Variants in DLG2 observed in about 807,000 individuals in gnomAD.
DLG2 encodes discs large MAGUK scaffold protein 2.
A neutral mutation model predicts 132.5 loss-of-function variants in DLG2; 45 were observed. That is an observed-to-expected ratio of 0.34 (90% CI 0.27 to 0.44). The LOEUF (loss-of-function observed/expected upper bound fraction) is 0.44. Ranked by LOEUF, DLG2 falls within the 20% of genes least tolerant of loss-of-function variation. DLG2 has a pLI of 1.00. For missense variants in DLG2, 1,045 were observed against 1,196.9 expected (o/e 0.87, Z 1.87); for synonymous variants, 424 against 419.6 (o/e 1.01, Z -0.13).
At position 85,193,264 on chromosome 11, in the gene DLG2, C is replaced by G. The variant is rs1025879030; in HGVS notation, c.187-38613G>C. 2.0e-5 allele frequency among the ~76,000 whole-genome samples: 3 copies of G among 152,310 alleles called. No homozygotes were observed. In the East Asian group the frequency reaches 5.8e-4, roughly 29 times the overall value. On this transcript the variant is annotated intron_variant, in intron 4 of 27. Coordinates refer to ENST00000376104, the MANE Select transcript of DLG2 (RefSeq NM_001142699.3). Reference sequence around the variant, plus strand: ...TATCAGCAGCACACGCTTTTTATGGCTGATTAATACTCCCTTATACAGATT... The same window carrying G: ...TATCAGCAGCACACGCTTTTTATGGGTGATTAATACTCCCTTATACAGATT...
chr11:83,666,950 A>G (rs2153562464), intron 18 of DLG2, among the ~76,000 whole-genome samples: 1 of 152,170 alleles, frequency 6.6e-6, no homozygotes, highest in South Asian at 2.1e-4. Context: ...TTCCAGCCCC[A>G]TTTGCCTTGA....
chr11:84,707,191 G>GT (rs1471167628), intron 6 of DLG2, among the ~76,000 whole-genome samples: 1 of 151,786 alleles, frequency 6.6e-6, no homozygotes, highest in African/African-American at 2.4e-5. Flanking sequence ...CTGAATACTA[G>GT]TAGAATGCTG....
chr11:85,219,548 CT>C (rs2082870183), intron 4 of DLG2, among the ~76,000 whole-genome samples: 1 of 151,796 alleles, frequency 6.6e-6, no homozygotes, highest in Non-Finnish European at 1.5e-5. Flanking sequence ...AGGATATTTT[CT>C]TGCATTTCCT....
intron 7 of DLG2, among the ~76,000 whole-genome samples, chr11:84,356,222 T>A (rs1451636420): frequency 6.6e-6 from 1 of 152,138 alleles, no homozygotes; most frequent in African/African-American, 2.4e-5. Flanking sequence ...ACCACAAATG[T>A]ACATAATAAA....
intron 19 of DLG2, among the ~76,000 whole-genome samples, chr11:83,575,250 G>C (rs1157576190): frequency 6.6e-6 from 1 of 152,146 alleles, no homozygotes; most frequent in Non-Finnish European, 1.5e-5. Flanking sequence ...CCAGACATCA[G>C]ACAATGAAGG....
At chr11:85,263,681 T>C (rs974831764) in intron 4 of DLG2, among the ~76,000 whole-genome samples, 1 of 152,198 alleles carries the variant, frequency 6.6e-6, no homozygotes, top group Non-Finnish European at 1.5e-5. Context: ...CTTTCCCCTG[T>C]GACCTTCTGA....
intron 7 of DLG2, among the ~76,000 whole-genome samples, chr11:84,268,155 T>C (rs2097667783): frequency 6.6e-6 from 1 of 152,148 alleles, no homozygotes; most frequent in African/African-American, 2.4e-5. Flanking sequence ...CTCACCTCCC[T>C]CATCTTGTAA....
At position 84,099,033 on chromosome 11, in the gene DLG2, C is replaced by A. The variant is rs757762707; in HGVS notation, c.639G>T (p.Leu213=). The change falls in exon 10 of 28, where the codon CTG becomes CTT. Residue 213 remains leucine (L), a synonymous_variant. Coordinates refer to ENST00000376104, the MANE Select transcript of DLG2 (RefSeq NM_001142699.3). The part of the protein sequence containing the change: ...EITLERGNSG[L]GFSIAGGTDN... Reference sequence around the variant, plus strand: ...CTGTCCCCCCAGCAATACTGAATCCCAGGCCAGAATTCCCCTATAGAAACA... The same window carrying A: ...CTGTCCCCCCAGCAATACTGAATCCAAGGCCAGAATTCCCCTATAGAAACA... The A allele has an allele frequency of 9.3e-6, 15 of 1,613,276 alleles. No homozygotes were observed. The highest frequency in any genetic ancestry group is 1.2e-5 in the Non-Finnish European group (14 of 1,179,422).
intron 7 of DLG2, among the ~76,000 whole-genome samples, chr11:84,425,670 T>A (rs747079568): frequency 3.3e-5 from 5 of 152,000 alleles, no homozygotes; most frequent in Non-Finnish European, 5.9e-5. Flanking sequence ...TCCTACAACA[T>A]CCCCTATCCT....
intron 6 of DLG2, among the ~76,000 whole-genome samples, chr11:84,592,637 C>G (rs1465227566): frequency 6.6e-6 from 1 of 151,638 alleles, no homozygotes; most frequent in Non-Finnish European, 1.5e-5. Context: ...AAGAAATAAC[C>G]CCATCAGAAA....
At chr11:84,468,119 G>A (rs1215935766) in intron 7 of DLG2, among the ~76,000 whole-genome samples, 1 of 151,516 alleles carries the variant, frequency 6.6e-6, no homozygotes, top group Non-Finnish European at 1.5e-5. Context: ...ATACCTGATG[G>A]TGAGCAGATT....
At chr11:83,748,600 A>G (rs1334158556) in intron 18 of DLG2, among the ~76,000 whole-genome samples, 1 of 152,230 alleles carries the variant, frequency 6.6e-6, no homozygotes, top group Non-Finnish European at 1.5e-5. Flanking sequence ...CAGCTCAGAA[A>G]GAAACATGAC....
At chr11:84,019,097 A>T (rs2095309459) in intron 11 of DLG2, among the ~76,000 whole-genome samples, 1 of 152,092 alleles carries the variant, frequency 6.6e-6, no homozygotes, top group African/African-American at 2.4e-5. Flanking sequence ...CATAATAATT[A>T]TATAAAATAA....
intron 16 of DLG2, among the ~76,000 whole-genome samples, chr11:83,845,141 T>C (rs2058368850): frequency 6.6e-6 from 1 of 152,220 alleles, no homozygotes; most frequent in South Asian, 2.1e-4. Flanking sequence ...GTGGAAGTCA[T>C]ATGGGAAGTC....
At chr11:83,691,797 G>A (rs962302033) in intron 18 of DLG2, among the ~76,000 whole-genome samples, 1 of 151,988 alleles carries the variant, frequency 6.6e-6, no homozygotes, top group African/African-American at 2.4e-5. Flanking sequence ...CGTGGATACC[G>A]AAAAGTGCAA....
intron 3 of DLG2, among the ~76,000 whole-genome samples, chr11:85,494,159 G>A (rs1402935663): frequency 2.0e-5 from 3 of 152,144 alleles, no homozygotes; most frequent in Non-Finnish European, 2.9e-5. Flanking sequence ...TAATACTGTT[G>A]CATTGGGGAT....
chr11:85,081,861 T>G (rs2067273450), intron 6 of DLG2, among the ~76,000 whole-genome samples: 1 of 152,138 alleles, frequency 6.6e-6, no homozygotes, highest in Non-Finnish European at 1.5e-5. Context: ...TCATCTGACC[T>G]TACTTGTTGT....
intron 6 of DLG2, among the ~76,000 whole-genome samples, chr11:85,039,006 A>G (rs944715256): frequency 2.6e-5 from 4 of 152,048 alleles, no homozygotes; most frequent in Non-Finnish European, 5.9e-5. Flanking sequence ...GAATAGGTAT[A>G]TATTTACATA....
intron 4 of DLG2, among the ~76,000 whole-genome samples, chr11:85,218,626 A>G (rs894374100): frequency 2.0e-5 from 3 of 152,210 alleles, no homozygotes; most frequent in African/African-American, 7.2e-5. Flanking sequence ...GAGAATGTAA[A>G]TTAGTCCAAC....
Sources: allele counts gnomAD v4.1 joint callset (sites outside exome capture counted in the v4.1 genomes callset), GRCh38; gene constraint gnomAD v4.1.1; transcripts MANE v1.5; gene names NCBI Gene and HGNC (gene_info 2026-07-23, HGNC 2026-07-21).